NKIRAS2: variants seen among roughly 807,000 people sequenced by gnomAD.
NKIRAS2 encodes the protein NF-kappa-B inhibitor-interacting Ras-like protein 2.
NKIRAS2 carries 15 observed loss-of-function variants against 20.7 expected under a neutral mutation model. That is an observed-to-expected ratio of 0.73 (90% CI 0.49 to 1.12). The LOEUF is 1.12. Among genes scored for constraint, NKIRAS2 ranks in the 50% most tolerant of loss-of-function variants. The pLI, the probability that NKIRAS2 is intolerant of heterozygous loss-of-function variation, is 0.00. For synonymous variants in NKIRAS2, 116 were observed against 101.4 expected (o/e 1.14, Z -0.87); for missense variants, 196 against 249.6 (o/e 0.79, Z 1.45).
chr17:42,023,649 C>T lies in NKIRAS2; in HGVS notation c.337-5C>T. 6.2e-7 allele frequency: 1 copy of T among 1,613,632 alleles called. No homozygotes were observed. Among genetic ancestry groups the T allele is most frequent in the Non-Finnish European group, 8.5e-7 (1 of 1,179,684 alleles). On this transcript the variant is annotated splice_polypyrimidine_tract_variant and splice_region_variant and intron_variant, in intron 3 of 3. Coordinates refer to ENST00000393885, the MANE Select transcript of NKIRAS2 (RefSeq NM_017595.6). ...ACAGGCCTATGCTCTGTCCCTCTTC[C>T]CCAGGTCACCATCGTGGTCCTTGGC...
At chr17:42,021,116 A>G (rs1244116030) in intron 1 of NKIRAS2, 1 of 166,646 alleles carries the variant, frequency 6.0e-6, no homozygotes, top group East Asian at 1.6e-4. Flanking sequence ...TTCCTGCTTA[A>G]TTCTCCATGG....
rs1017263187 is a variant in NKIRAS2 at position 42,020,170 on chromosome 17, G to A, written c.-49G>A. ...CCCCTCCCCTGGTCCCCGCGAGCTCGGAGGGCCCGGCTGGTGCTGCGGGGG... is the reference window on the plus strand; with the variant it reads ...CCCCTCCCCTGGTCCCCGCGAGCTCAGAGGGCCCGGCTGGTGCTGCGGGGG... On this transcript the variant is annotated 5_prime_UTR_variant, in exon 1 of 4. Transcript: ENST00000393885. 3 of 152,418 alleles carry A rather than the reference G, an allele frequency of 2.0e-5. No individual in the cohort carries two copies. Among genetic ancestry groups the A allele is most frequent in the Non-Finnish European group, 1.5e-5 (1 of 68,172 alleles). The allele number at this position is 152,418 out of a possible 1,614,324, so 9.4% of individuals were successfully genotyped here.
rs1429278742 is a variant in NKIRAS2 at position 42,022,279 on chromosome 17, C to G, written c.95-120C>G. On this transcript the variant is annotated intron_variant, in intron 2 of 3. Transcript: ENST00000393885. ...TTTCAGTCCTGCCAGGCTGTCAATT[C>G]TCTGGCCTCCTCAGCCCCCTACATT... is the stretch of plus-strand genomic sequence containing the variant. The G allele has an allele frequency of 1.3e-5, 13 of 1,015,844 alleles. No homozygotes were observed. In the African/African-American group the frequency reaches 2.1e-4, roughly 16 times the overall value. 62.9% of individuals were successfully genotyped at this position (1,015,844 alleles called of 1,614,324 possible).
At chr17:42,017,742 C>G (rs1355393817), upstream of NKIRAS2, 3 of 446,430 alleles carry the variant, frequency 6.7e-6, no homozygotes, top group Non-Finnish European at 4.1e-6. Context: ...TAGCAACTTC[C>G]AATCCTAGAG....
Position 42,023,919 on chromosome 17 carries a change from C to A in NKIRAS2, c.*26C>A. 2 of 1,609,964 alleles carry A rather than the reference C, an allele frequency of 1.2e-6. No individual in the cohort carries two copies. Among genetic ancestry groups the A allele is most frequent in the Non-Finnish European group, 1.7e-6 (2 of 1,177,568 alleles). The stretch of plus-strand genomic sequence containing the variant: ...AGAGCTGCCGTTCCTCTTTCACGAT[C>A]CCAGCCCCATTTCAGTGTCTGGGGC... On this transcript the variant is annotated 3_prime_UTR_variant, in exon 4 of 4. Coordinates refer to ENST00000393885, the MANE Select transcript of NKIRAS2 (RefSeq NM_017595.6).
chr17:42,024,302 G>A lies in NKIRAS2; in HGVS notation c.*409G>A, dbSNP rs1211606710. 3 of 244,444 alleles carry A rather than the reference G, an allele frequency of 1.2e-5. No individual in the cohort carries two copies. Among genetic ancestry groups the A allele is most frequent in the Non-Finnish European group, 2.5e-5 (3 of 122,446 alleles). 15.1% of individuals were successfully genotyped at this position (244,444 alleles called of 1,614,324 possible). Reference sequence around the variant, plus strand: ...CGACACACACACACTTATGGCACCAGCCTGGACTCCAGAAAAAGGGTGTCC... The same window carrying A: ...CGACACACACACACTTATGGCACCAACCTGGACTCCAGAAAAAGGGTGTCC... On this transcript the variant is annotated 3_prime_UTR_variant, in exon 4 of 4. Coordinates refer to ENST00000393885, the MANE Select transcript of NKIRAS2 (RefSeq NM_017595.6).
chr17:42,019,596 C>T (rs2052392228), upstream of NKIRAS2, among the ~76,000 whole-genome samples: 1 of 152,164 alleles, frequency 6.6e-6, no homozygotes, highest in Non-Finnish European at 1.5e-5. Flanking sequence ...TGACTTGTAG[C>T]CGTTTCCTCC....
rs1555653570 is a variant in NKIRAS2 at position 42,023,700 on chromosome 17, G to T, written c.383G>T (p.Arg128Leu). ...AACAAGTGTGACTTACAGGAGCAGCGGCGTGTAGACCCAGATGTGGCTCAG... is the reference window on the plus strand; with the variant it reads ...AACAAGTGTGACTTACAGGAGCAGCTGCGTGTAGACCCAGATGTGGCTCAG... ...LGNKCDLQEQ[R>L]RVDPDVAQHW... The change falls in exon 4 of 4, where the codon CGG becomes CTG. Residue 128 changes from arginine to leucine, a missense_variant. Arg to Leu is a moderately radical substitution (Grantham distance 102). Transcript: ENST00000393885. 1.2e-6 allele frequency: 2 copies of T among 1,614,182 alleles called. No individual in the cohort carries two copies. Among genetic ancestry groups the T allele is most frequent in the Admixed American group, 3.3e-5 (2 of 60,024 alleles).
chr17:42,019,757 G>A (rs928096735), upstream of NKIRAS2, among the ~76,000 whole-genome samples: 3 of 152,208 alleles, frequency 2.0e-5, no homozygotes, highest in African/African-American at 7.2e-5. Context: ...TGTCTAACTC[G>A]TCCACTTTCT....
At chr17:42,017,667 G>A (rs1598163648), upstream of NKIRAS2, 1 of 584,038 alleles carries the variant, frequency 1.7e-6, no homozygotes, top group East Asian at 2.9e-5. Context: ...TGGGAAGGCG[G>A]GGTGTACCGG....
rs147962346 is a variant in NKIRAS2 at position 42,023,702 on chromosome 17, C to T, written c.385C>T (p.Arg129Cys). 57 of 1,614,008 alleles carry T rather than the reference C, an allele frequency of 3.5e-5. No individual in the cohort carries two copies. The highest frequency in any genetic ancestry group is 5.3e-5 in the African/African-American group (4 of 74,888). Reference sequence around the variant, plus strand: ...CAAGTGTGACTTACAGGAGCAGCGGCGTGTAGACCCAGATGTGGCTCAGCA... The same window carrying T: ...CAAGTGTGACTTACAGGAGCAGCGGTGTGTAGACCCAGATGTGGCTCAGCA... ...GNKCDLQEQR[R>C]VDPDVAQHWA... The change falls in exon 4 of 4, where the codon CGT (arginine) becomes TGT (cysteine). Residue 129 changes from arginine (R) to cysteine (C), a missense_variant. Arg to Cys is a radical substitution (Grantham distance 180). Transcript: ENST00000393885.
Position 42,022,529 on chromosome 17 carries a change from C to G in NKIRAS2, c.225C>G (p.Cys75Trp). The change falls in exon 3 of 4, where the codon TGC becomes TGG. Residue 75 changes from cysteine (C) to tryptophan (W), a missense_variant. By Grantham distance (215) the Cys-to-Trp change is radical. Transcript: ENST00000393885. ...LRDGAELPRHCFSCTDGYVLV... is the reference protein window; with the variant it reads ...LRDGAELPRHWFSCTDGYVLV... The stretch of plus-strand genomic sequence containing the variant: ...ATGGGGCCGAACTGCCCCGACACTG[C>G]TTCTCTTGCACTGATGGCTACGTCC... The G allele has an allele frequency of 6.2e-7, 1 of 1,614,198 alleles. No individual in the cohort carries two copies. Among genetic ancestry groups the G allele is most frequent in the Non-Finnish European group, 8.5e-7 (1 of 1,180,018 alleles).
chr17:42,022,241 TAAACCCAA>T lies in NKIRAS2; in HGVS notation c.95-156_95-149del, dbSNP rs1316826614. On this transcript the variant is annotated intron_variant, in intron 2 of 3. Transcript: ENST00000393885. ...AGAAAGAAATTAATGTTCGTTCCCCTAAACCCAAATCATTTCAGTCCTGCCAGGCTGTC... is the reference window on the plus strand; with the variant it reads ...AGAAAGAAATTAATGTTCGTTCCCCTATCATTTCAGTCCTGCCAGGCTGTC... 8 of 744,558 alleles carry T rather than the reference TAAACCCAA, an allele frequency of 1.1e-5. No individual in the cohort carries two copies. The Admixed American group carries it at 1.7e-4, about 16-fold the overall frequency. The allele number at this position is 744,558 out of a possible 1,614,324, so 46.1% of individuals were successfully genotyped here. A position where few individuals can be genotyped will look rare whatever the true frequency, so the allele number is the denominator to read the frequency against.
At position 42,024,278 on chromosome 17, in the gene NKIRAS2, GAC is replaced by G. The variant is rs1392619073; in HGVS notation, c.*396_*397del. On this transcript the variant is annotated 3_prime_UTR_variant, in exon 4 of 4. Transcript: ENST00000393885. ...CCCACCCTCTGGGCTTCCCATCAGCGACACACACACACTTATGGCACCAGCCT... is the reference window on the plus strand; with the variant it reads ...CCCACCCTCTGGGCTTCCCATCAGCGACACACACACTTATGGCACCAGCCT... 2.1e-4 allele frequency: 59 copies of G among 278,018 alleles called. No individual in the cohort carries two copies. The highest frequency in any genetic ancestry group is 3.5e-4 in the South Asian group (9 of 25,888). 17.2% of individuals were successfully genotyped at this position (278,018 alleles called of 1,614,324 possible).
chr17:42,022,648 G>C lies in NKIRAS2; in HGVS notation c.336+8G>C, dbSNP rs189357484. 43 of 1,607,488 alleles carry C rather than the reference G, an allele frequency of 2.7e-5. No individual in the cohort carries two copies. The Middle Eastern group carries it at 6.0e-3, about 224-fold the overall frequency. On this transcript the variant is annotated splice_region_variant and intron_variant, in intron 3 of 3. Coordinates refer to ENST00000393885, the MANE Select transcript of NKIRAS2 (RefSeq NM_017595.6). Reference sequence around the variant, plus strand: ...TCCAAGGACAAGAAGGAGGTGTGTGGCATAGGCTTCTGGTGGGAGCCTCAG... The same window carrying C: ...TCCAAGGACAAGAAGGAGGTGTGTGCCATAGGCTTCTGGTGGGAGCCTCAG...
upstream of NKIRAS2, chr17:42,020,023 C>T (rs534408614): frequency 3.9e-5 from 6 of 152,542 alleles, no homozygotes; most frequent in African/African-American, 1.4e-4. Flanking sequence ...TCCGCGCTCT[C>T]TCTCCGCTGC....
At chr17:42,022,755 G>A (rs1254098446) in intron 3 of NKIRAS2, 115 bp downstream of exon 3, 2 of 1,333,190 alleles carry the variant, frequency 1.5e-6, no homozygotes, top group African/African-American at 2.9e-5. Context: ...TTAGGAGCCA[G>A]AGGTGGGGTG....
At position 42,025,024 on chromosome 17, in the gene NKIRAS2, C is replaced by T. The variant is rs1395106253; in HGVS notation, c.*1131C>T. The stretch of plus-strand genomic sequence containing the variant: ...CTTGATTTCGTAAAGCCAATGGCTT[C>T]TCCCTCTTTAAGGTGCTATGCCAAC... On this transcript the variant is annotated 3_prime_UTR_variant, in exon 4 of 4. Coordinates refer to ENST00000393885, the MANE Select transcript of NKIRAS2 (RefSeq NM_017595.6). The T allele has an allele frequency of 1.3e-5, 2 of 152,582 alleles. No homozygotes were observed. The highest frequency in any genetic ancestry group is 2.1e-4 in the South Asian group (1 of 4,830). The allele number at this position is 152,582 out of a possible 1,614,324, so 9.5% of individuals were successfully genotyped here. A position where few individuals can be genotyped will look rare whatever the true frequency, so the allele number is the denominator to read the frequency against.
intron 2 of NKIRAS2, 38 bp downstream of exon 2, chr17:42,021,709 T>C (rs1177758650): frequency 6.4e-7 from 1 of 1,574,736 alleles, no homozygotes; most frequent in Non-Finnish European, 8.7e-7. Context: ...GTGGAAGAAG[T>C]TGAAAAATAA....
Sources: allele counts gnomAD v4.1 joint callset (sites outside exome capture counted in the v4.1 genomes callset), GRCh38; gene constraint gnomAD v4.1.1; transcripts MANE v1.5; gene names NCBI Gene and HGNC (gene_info 2026-07-23, HGNC 2026-07-21).